GAPVD1: variants seen among roughly 807,000 people sequenced by gnomAD.
GAPVD1 encodes the protein GTPase activating protein and VPS9 domains 1.
In GAPVD1, 35 loss-of-function variants were observed where a neutral mutation model predicts 155.5. The ratio of observed to expected loss-of-function variants is 0.23; its 90% confidence interval spans 0.17 to 0.30. The LOEUF is 0.30. Ranked by LOEUF, GAPVD1 falls within the 10% of genes least tolerant of loss-of-function variation. GAPVD1 has a pLI of 1.00. For synonymous variants in GAPVD1, 636 were observed against 619.7 expected, an observed-to-expected ratio of 1.03 and a Z score of -0.39; for missense variants, 1,429 against 1,775.7, an observed-to-expected ratio of 0.80 and a Z score of 3.51.
intron 2 of GAPVD1, among the ~76,000 whole-genome samples, chr9:125,271,633 C>T (rs1260006939): frequency 1.3e-5 from 2 of 152,152 alleles, no homozygotes; most frequent in Admixed American, 1.3e-4. Flanking sequence ...TCACTGCAAC[C>T]TCTGCCTCCC....
intron 10 of GAPVD1, among the ~76,000 whole-genome samples, chr9:125,322,111 C>A (rs1261306161): frequency 6.6e-6 from 1 of 152,078 alleles, no homozygotes; most frequent in Non-Finnish European, 1.5e-5. Context: ...GTTGCCCAGG[C>A]TGGAGTGCAG....
intron 26 of GAPVD1, chr9:125,359,919 T>G (rs1465856868): frequency 6.3e-6 from 1 of 158,812 alleles, no homozygotes; most frequent in Admixed American, 6.3e-5. Context: ...CATTTTTACC[T>G]GTCCTACATC....
intron 2 of GAPVD1, among the ~76,000 whole-genome samples, chr9:125,276,277 T>C (rs1835765230): frequency 6.6e-6 from 1 of 152,188 alleles, no homozygotes; most frequent in South Asian, 2.1e-4. Flanking sequence ...AACTATTCTG[T>C]AGGCCAGAGT....
intron 4 of GAPVD1, among the ~76,000 whole-genome samples, chr9:125,299,797 G>A (rs887882864): frequency 1.3e-5 from 2 of 149,554 alleles, no homozygotes; most frequent in African/African-American, 4.9e-5. Flanking sequence ...GAGGTGGGTG[G>A]ATCACGAGGT....
intron 9 of GAPVD1, 121 bp from the exon 10 acceptor site, chr9:125,321,312 T>C (rs1844308177): frequency 1.8e-5 from 12 of 649,158 alleles, no homozygotes; most frequent in Non-Finnish European, 3.2e-5. Context: ...ACCTTCTAAA[T>C]AGGTTTGTAG....
chr9:125,354,753 C>T lies in GAPVD1; in HGVS notation c.3669C>T (p.Asp1223=). ...GGCTATTGCAAAGAGTTTTGCGGGA[C>T]AAAGAAGTGGCCAATCGATACTTTA... The part of the protein sequence containing the change: ...LERLLQRVLR[D]KEVANRYFTT... The change falls in exon 24 of 28, where the codon GAC becomes GAT. Residue 1223 remains aspartate (D), a synonymous_variant. Transcript: ENST00000297933. 1.9e-6 allele frequency: 3 copies of T among 1,613,550 alleles called. No individual in the cohort carries two copies. Among genetic ancestry groups the T allele is most frequent in the Non-Finnish European group, 8.5e-7 (1 of 1,179,494 alleles).
At chr9:125,336,281 G>A in intron 15 of GAPVD1, among the ~76,000 whole-genome samples, 1 of 132,840 alleles carries the variant, frequency 7.5e-6, no homozygotes, top group African/African-American at 3.0e-5. Context: ...AAAAGATATA[G>A]CTTGAGACCA....
chr9:125,337,102 C>G lies in GAPVD1; in HGVS notation c.2506+7C>G. 6.2e-7 allele frequency: 1 copy of G among 1,606,462 alleles called. No individual in the cohort carries two copies. The highest frequency in any genetic ancestry group is 8.5e-7 in the Non-Finnish European group (1 of 1,173,096). On this transcript the variant is annotated splice_region_variant and intron_variant, in intron 16 of 27. Transcript: ENST00000297933. ...CCACTGTCTTCACATGAAGGTAAAC[C>G]AGTGAAATGAACTTTTTCACTTATG...
intron 4 of GAPVD1, among the ~76,000 whole-genome samples, chr9:125,300,430 C>T (rs1278364619): frequency 3.3e-5 from 5 of 151,798 alleles, no homozygotes; most frequent in Admixed American, 6.6e-5. Context: ...TCTGCCCCCT[C>T]GGCCTCCCAA....
chr9:125,307,423 C>A lies in GAPVD1; in HGVS notation c.1127C>A (p.Ala376Asp). 1 of 1,603,692 alleles carries A rather than the reference C, an allele frequency of 6.2e-7. No homozygotes were observed. Among genetic ancestry groups the A allele is most frequent in the Non-Finnish European group, 8.5e-7 (1 of 1,176,356 alleles). ...TTCCTGTTTTAACAGAGCTGTGTTG[C>A]CGCTTTCCTTGATGTTGTGATTGGG... Reference protein sequence around the residue: ...SLGKFDKSCVAAFLDVVIGGR... With the variant: ...SLGKFDKSCVDAFLDVVIGGR... Residue 376 changes from alanine (A) to aspartate (D), a missense_variant, in exon 7 of 28, where the codon GCC becomes GAC. This residue lies in a region of GAPVD1 where 628 missense variants were observed against 733.4 expected (regional missense o/e 0.86). Transcript: ENST00000297933.
intron 10 of GAPVD1, 130 bp downstream of exon 10, chr9:125,321,692 C>A: frequency 1.3e-6 from 1 of 791,672 alleles, no homozygotes; most frequent in Non-Finnish European, 2.0e-6. Flanking sequence ...AAGATTTCCT[C>A]TAATGAGCCT....
At chr9:125,281,244 T>G (rs1202816730) in intron 2 of GAPVD1, among the ~76,000 whole-genome samples, 1 of 152,170 alleles carries the variant, frequency 6.6e-6, no homozygotes, top group African/African-American at 2.4e-5. Flanking sequence ...TTTTTTTTAC[T>G]GAAAAAAGTT....
intron 15 of GAPVD1, among the ~76,000 whole-genome samples, chr9:125,336,051 A>G (rs946033067): frequency 6.6e-6 from 1 of 151,592 alleles, no homozygotes; most frequent in Non-Finnish European, 1.5e-5. Context: ...AGGCTAAGGC[A>G]GGAGGATCAC....
At position 125,332,697 on chromosome 9, in the gene GAPVD1, CAT is replaced by C. The variant is rs939692547; in HGVS notation, c.2428+69_2428+70del. Reference sequence around the variant, plus strand: ...CGTGGTTGAAACTGGCACTGTGACACATTGCTGGTGACAGCATCTGTTGGTAT... The same window carrying C: ...CGTGGTTGAAACTGGCACTGTGACACTGCTGGTGACAGCATCTGTTGGTAT... On this transcript the variant is annotated intron_variant, in intron 15 of 27. Coordinates refer to ENST00000297933, the MANE Select transcript of GAPVD1 (RefSeq NM_001282680.3). 1.4e-5 allele frequency: 18 copies of C among 1,331,036 alleles called. No homozygotes were observed. In the Admixed American group the frequency reaches 2.6e-4, roughly 20 times the overall value. The allele number at this position is 1,331,036 out of a possible 1,614,324, so 82.5% of individuals were successfully genotyped here.
intron 23 of GAPVD1, among the ~76,000 whole-genome samples, chr9:125,351,523 A>G (rs1849289045): frequency 6.6e-6 from 1 of 152,164 alleles, no homozygotes. Context: ...AATCAAAATC[A>G]AGTTAGTTAC....
At chr9:125,292,200 G>A (rs1838719229) in intron 2 of GAPVD1, among the ~76,000 whole-genome samples, 2 of 152,150 alleles carry the variant, frequency 1.3e-5, no homozygotes, top group Admixed American at 1.3e-4. Context: ...TACCGCCACT[G>A]CACTCCGCTT....
intron 10 of GAPVD1, among the ~76,000 whole-genome samples, chr9:125,322,364 C>T (rs1472053223): frequency 6.6e-6 from 1 of 151,590 alleles, no homozygotes; most frequent in African/African-American, 2.4e-5. Context: ...GCGCCTGGCC[C>T]CGGGTTTTTT....
intron 17 of GAPVD1, among the ~76,000 whole-genome samples, chr9:125,338,929 T>TTGTG (rs144909106): frequency 0.05 from 7,361 of 146,640 alleles, 511 homozygotes; most frequent in East Asian, 0.32. Context: ...TTAAAAAAAT[T>TTGTG]TGTGTGTGTG....
At chr9:125,321,132 G>A (rs1679726981) in intron 9 of GAPVD1, among the ~76,000 whole-genome samples, 3 of 152,092 alleles carry the variant, frequency 2.0e-5, no homozygotes, top group Admixed American at 1.3e-4. Flanking sequence ...GAATTAGAAG[G>A]ACCAGCGTGC....
Sources: gnomAD v4.1 joint callset for allele counts (sites outside exome capture counted in the v4.1 genomes callset) on GRCh38, gnomAD v4.1.1 for gene constraint, gnomAD v4.1.1 regional missense constraint, MANE v1.5 for transcripts, NCBI Gene and HGNC (gene_info 2026-07-23, HGNC 2026-07-21) for gene names.